ANK1: variants seen among roughly 807,000 people sequenced by gnomAD.
The protein encoded by ANK1 is ankyrin 1.
ANK1 carries 51 observed loss-of-function variants against 210.4 expected under a neutral mutation model. The ratio of observed to expected loss-of-function variants is 0.24; its 90% CI spans 0.19 to 0.31. The LOEUF (loss-of-function observed/expected upper bound fraction) is 0.31. ANK1 is among the 10% of genes least tolerant of loss of function. The probability of loss-of-function intolerance (pLI) is 1.00; values close to 1 mark genes in which losing one functional copy is unlikely to be tolerated. For synonymous variants in ANK1, 967 were observed against 1,025.9 expected, an observed-to-expected ratio of 0.94 and a Z score of 1.10; for missense variants, 2,051 against 2,504.4, an observed-to-expected ratio of 0.82 and a Z score of 3.86.
intron 1 of ANK1, among the ~76,000 whole-genome samples, chr8:41,888,135 A>G (rs1241233755): frequency 6.6e-6 from 1 of 152,194 alleles, no homozygotes; most frequent in Non-Finnish European, 1.5e-5. Context: ...GATGTTTTCT[A>G]TGAGCTCTCT....
chr8:41,876,999 A>G (rs1816730043), intron 1 of ANK1, among the ~76,000 whole-genome samples: 1 of 152,192 alleles, frequency 6.6e-6, no homozygotes, highest in Admixed American at 6.5e-5. Context: ...AAATAAATAA[A>G]TAAGACTTTA....
chr8:41,780,727 C>T lies in ANK1; in HGVS notation c.27+16785G>A, dbSNP rs116760893. ...GTGCACGTGTGCCTGTGTGTGCATGCGTGCATGTGTATGCATGTGCACGAG... is the reference window on the plus strand; with the variant it reads ...GTGCACGTGTGCCTGTGTGTGCATGTGTGCATGTGTATGCATGTGCACGAG... On this transcript the variant is annotated intron_variant, in intron 1 of 42. Coordinates refer to ENST00000289734, the MANE Select transcript of ANK1 (RefSeq NM_000037.4). 8.6e-3 allele frequency among the ~76,000 whole-genome samples: 1,307 copies of T among 152,258 alleles called. 29 individuals carry two copies. Among genetic ancestry groups the T allele is most frequent in the African/African-American group, 0.029 (1,200 of 41,542 alleles).
At chr8:41,798,292 CA>C (rs370969762), upstream of ANK1, among the ~76,000 whole-genome samples, 2,182 of 152,274 alleles carry the variant, frequency 0.014, 22 homozygotes, top group South Asian at 0.026. Context: ...ACTAGGGCCC[CA>C]TGCTGCTTAG....
intron 1 of ANK1, among the ~76,000 whole-genome samples, chr8:41,842,218 C>T (rs113661078): frequency 3.3e-5 from 5 of 152,278 alleles, no homozygotes; most frequent in South Asian, 2.1e-4. Context: ...TGAGGCCAGG[C>T]GCAGTGGCTC....
chr8:41,726,728 A>C (rs923352125), intron 5 of ANK1, among the ~76,000 whole-genome samples: 1 of 152,144 alleles, frequency 6.6e-6, no homozygotes, highest in Non-Finnish European at 1.5e-5. Context: ...GGACATACTA[A>C]AGGGCACAGG....
intron 1 of ANK1, among the ~76,000 whole-genome samples, chr8:41,895,905 C>CG (rs1820404936): frequency 6.6e-6 from 1 of 150,926 alleles, no homozygotes; most frequent in Non-Finnish European, 1.5e-5. Flanking sequence ...AGAGCTGCCC[C>CG]CCCCCGGCCC....
At chr8:41,688,862 C>T (rs138161263) in intron 33 of ANK1, among the ~76,000 whole-genome samples, 3 of 152,318 alleles carry the variant, frequency 2.0e-5, no homozygotes, top group Non-Finnish European at 2.9e-5. Flanking sequence ...TTAATGTTCA[C>T]GGCAACCTAA....
intron 1 of ANK1, among the ~76,000 whole-genome samples, chr8:41,860,308 C>T (rs986507165): frequency 1.3e-5 from 2 of 152,184 alleles, no homozygotes; most frequent in Non-Finnish European, 2.9e-5. Context: ...TGAGGTTTCA[C>T]CTTGGCTTTG....
chr8:41,793,558 G>A (rs1848178203), intron 1 of ANK1, among the ~76,000 whole-genome samples: 1 of 152,202 alleles, frequency 6.6e-6, no homozygotes. Context: ...TGTGAAGAAT[G>A]GATTAGAGGG....
At chr8:41,735,826 A>G (rs544230303) in intron 2 of ANK1, among the ~76,000 whole-genome samples, 1 of 152,220 alleles carries the variant, frequency 6.6e-6, no homozygotes, top group Non-Finnish European at 1.5e-5. Flanking sequence ...TGCAGCAAAT[A>G]TAACAGATGC....
intron 12 of ANK1, 35 bp downstream of exon 12, chr8:41,717,569 T>G: frequency 6.5e-7 from 1 of 1,530,406 alleles, no homozygotes; most frequent in Non-Finnish European, 8.9e-7. Context: ...GCTCTTGGTC[T>G]AGGGGAGCAA....
intron 1 of ANK1, among the ~76,000 whole-genome samples, chr8:41,820,609 G>C (rs2174731): frequency 0.38 from 58,140 of 151,812 alleles, 11,592 homozygotes; most frequent in Non-Finnish European, 0.43. Context: ...GTAGCTGCAG[G>C]GGTCCCAGAG....
chr8:41,719,749 G>C lies in ANK1; in HGVS notation c.1019C>G (p.Thr340Ser). 1 of 1,614,222 alleles carries C rather than the reference G, an allele frequency of 6.2e-7. No homozygotes were observed. The highest frequency in any genetic ancestry group is 2.2e-5 in the East Asian group (1 of 44,886). The change falls in exon 10 of 43, where the codon ACC becomes AGC. Residue 340 changes from threonine (T) to serine (S), a missense_variant. Transcript: ENST00000289734. ...EIDDITLDHL[T>S]PLHVAAHCGH... is the part of the protein sequence containing the mutation. ...ACAGTGGGCAGCCACGTGGAGTGGG[G>C]TCAGGTGGTCCAGGGTGATGTCGTC...
chr8:41,870,204 C>T (rs1815210297), intron 1 of ANK1, among the ~76,000 whole-genome samples: 1 of 151,972 alleles, frequency 6.6e-6, no homozygotes, highest in South Asian at 2.1e-4. Flanking sequence ...GAACGCCAGT[C>T]TTTACCAAAT....
At chr8:41,848,228 A>AAATT (rs1491171873) in intron 1 of ANK1, among the ~76,000 whole-genome samples, 3 of 151,594 alleles carry the variant, frequency 2.0e-5, no homozygotes, top group Non-Finnish European at 1.5e-5. Context: ...ATAAATAAAT[A>AAATT]AAACTGTGCA....
intron 1 of ANK1, among the ~76,000 whole-genome samples, chr8:41,855,588 T>G (rs1812044422): frequency 6.6e-6 from 1 of 152,090 alleles, no homozygotes; most frequent in Non-Finnish European, 1.5e-5. Context: ...ACATTGGAAA[T>G]CAAATCATTC....
chr8:41,791,297 G>A (rs1006042849), intron 1 of ANK1, among the ~76,000 whole-genome samples: 12 of 138,440 alleles, frequency 8.7e-5, no homozygotes, highest in African/African-American at 2.1e-4. Context: ...TCAGCCTCCC[G>A]AGTAGCTGGG....
At chr8:41,752,247 C>T (rs1012123192) in intron 2 of ANK1, among the ~76,000 whole-genome samples, 9 of 152,188 alleles carry the variant, frequency 5.9e-5, no homozygotes, top group Non-Finnish European at 1.0e-4. Context: ...CATGCACAGG[C>T]CACGAGCGCG....
Position 41,828,700 on chromosome 8 carries a change from C to G in ANK1, c.126+67655G>C, listed in dbSNP as rs542660719. 2.0e-5 allele frequency: 3 copies of G among 153,554 alleles called. No homozygotes were observed. The East Asian group carries it at 5.8e-4, about 30-fold the overall frequency. The allele number at this position is 153,554 out of a possible 1,614,324, so 9.5% of individuals were successfully genotyped here. The stretch of plus-strand genomic sequence containing the variant: ...CAATGACCGGGCTGGAGAGGGGGCG[C>G]TCGTAATGAAACAGGAACTGCTCCT... On this transcript the variant is annotated intron_variant, in intron 1 of 42. Coordinates refer to the ANK1 transcript ENST00000265709.
Sources: allele counts gnomAD v4.1 joint callset (sites outside exome capture counted in the v4.1 genomes callset), GRCh38; gene constraint gnomAD v4.1.1; transcripts MANE v1.5; gene names NCBI Gene and HGNC (gene_info 2026-07-23, HGNC 2026-07-21).